ADGRB3: variants seen among roughly 807,000 people sequenced by gnomAD.
The protein encoded by ADGRB3 is adhesion G protein-coupled receptor B3, also known as brain-specific angiogenesis inhibitor 3.
A neutral mutation model predicts 193.4 loss-of-function variants in ADGRB3; 37 were observed. That is an observed-to-expected ratio of 0.19 (90% CI 0.15 to 0.25). The LOEUF is 0.25. ADGRB3 is among the 10% of genes least tolerant of loss of function. The pLI is 1.00. For missense variants in ADGRB3, 1,637 were observed against 1,852.9 expected (o/e 0.88, Z 2.14); for synonymous variants, 690 against 644.2 (o/e 1.07, Z -1.08).
rs60253244 is a variant in ADGRB3 at position 69,249,556 on chromosome 6, A to G, written c.2814+10330A>G. On this transcript the variant is annotated intron_variant, in intron 20 of 31. Transcript: ENST00000370598. ...TCTTTCATCTGACAGTCTTGGGCAG[A>G]GAAGTAACATCTGAAGCAGAAAATA... 3.0e-3 allele frequency among the ~76,000 whole-genome samples: 451 copies of G among 152,342 alleles called. 1 individual carries two copies. The highest frequency in any genetic ancestry group is 0.01 in the African/African-American group (424 of 41,582).
chr6:69,269,379 TA>T (rs945578015), intron 20 of ADGRB3, among the ~76,000 whole-genome samples: 10 of 151,722 alleles, frequency 6.6e-5, no homozygotes, highest in South Asian at 2.1e-4. Context: ...GTGTCCAATG[TA>T]AAAAAAAATT....
chr6:69,294,760 G>A (rs1002773985), intron 20 of ADGRB3, among the ~76,000 whole-genome samples: 4 of 151,782 alleles, frequency 2.6e-5, no homozygotes, highest in Admixed American at 2.6e-4. Context: ...ATTCCTAGTT[G>A]TTTTTTTTGT....
chr6:69,347,717 C>A (rs1769132140), intron 26 of ADGRB3, among the ~76,000 whole-genome samples: 1 of 151,710 alleles, frequency 6.6e-6, no homozygotes, highest in Admixed American at 6.6e-5. Context: ...CTCAGGAGGT[C>A]AAGACTGCAG....
chr6:68,918,836 C>T (rs1291960317), intron 3 of ADGRB3, among the ~76,000 whole-genome samples: 1 of 151,982 alleles, frequency 6.6e-6, no homozygotes, highest in African/African-American at 2.4e-5. Flanking sequence ...ATCTCTAATG[C>T]AGGTTAAGTA....
At chr6:69,061,433 G>A (rs1400356623) in intron 15 of ADGRB3, among the ~76,000 whole-genome samples, 1 of 151,918 alleles carries the variant, frequency 6.6e-6, no homozygotes, top group Admixed American at 6.6e-5. Flanking sequence ...AGAACTATAT[G>A]ACTTAAATGG....
intron 3 of ADGRB3, among the ~76,000 whole-genome samples, chr6:68,784,855 A>G (rs1208561760): frequency 6.6e-6 from 1 of 152,158 alleles, no homozygotes; most frequent in Non-Finnish European, 1.5e-5. Context: ...TCTTGATACT[A>G]AAGTAGTACA....
At chr6:68,750,662 G>A (rs947628401) in intron 3 of ADGRB3, among the ~76,000 whole-genome samples, 1 of 151,974 alleles carries the variant, frequency 6.6e-6, no homozygotes, top group African/African-American at 2.4e-5. Context: ...TATTTTTAAT[G>A]AGCTCTTTCG....
intron 3 of ADGRB3, among the ~76,000 whole-genome samples, chr6:68,847,044 G>A (rs192630986): frequency 9.2e-5 from 14 of 152,304 alleles, no homozygotes; most frequent in Admixed American, 7.8e-4. Context: ...GATGTGAGAC[G>A]TGGAGTCAAA....
chr6:68,683,432 CATT>C (rs1377827937), intron 3 of ADGRB3, among the ~76,000 whole-genome samples: 2 of 152,096 alleles, frequency 1.3e-5, no homozygotes, highest in Non-Finnish European at 2.9e-5. Context: ...TTGTTTGCAT[CATT>C]ATTATTAAAT....
intron 17 of ADGRB3, among the ~76,000 whole-genome samples, chr6:69,123,832 T>G (rs976615397): frequency 6.6e-6 from 1 of 152,070 alleles, no homozygotes; most frequent in African/African-American, 2.4e-5. Flanking sequence ...GTGATAGAAA[T>G]TTAAGAGATG....
At position 69,332,838 on chromosome 6, in the gene ADGRB3, T is replaced by C. The variant is rs1038418905; in HGVS notation, c.3103-85T>C. On this transcript the variant is annotated intron_variant, in intron 23 of 31. Transcript: ENST00000370598. The stretch of plus-strand genomic sequence containing the variant: ...CTACTAGTGATACGGTGGTTATGAA[T>C]TGATAAAAATAGGATTTTCAGGAGA... 1.0e-4 allele frequency: 156 copies of C among 1,556,542 alleles called. 1 individual carries two copies. The highest frequency in any genetic ancestry group is 1.2e-4 in the Non-Finnish European group (142 of 1,152,634).
chr6:69,239,865 T>C (rs1296488818), intron 20 of ADGRB3, among the ~76,000 whole-genome samples: 1 of 152,060 alleles, frequency 6.6e-6, no homozygotes, highest in East Asian at 1.9e-4. Flanking sequence ...TTGTCTTTAC[T>C]ATTCTGAAAT....
chr6:69,388,227 G>T (rs569863407), intron 31 of ADGRB3, among the ~76,000 whole-genome samples: 1 of 152,202 alleles, frequency 6.6e-6, no homozygotes, highest in East Asian at 1.9e-4. Flanking sequence ...TAGGCATAGT[G>T]ATCTAAATTA....
At chr6:69,325,773 A>G (rs1049708282) in intron 21 of ADGRB3, among the ~76,000 whole-genome samples, 1 of 152,234 alleles carries the variant, frequency 6.6e-6, no homozygotes, top group Admixed American at 6.5e-5. Context: ...GCTTATAACA[A>G]TTCCAGAATT....
intron 3 of ADGRB3, among the ~76,000 whole-genome samples, chr6:68,858,793 A>T (rs1483375417): frequency 6.6e-6 from 1 of 152,148 alleles, no homozygotes; most frequent in East Asian, 1.9e-4. Flanking sequence ...TCAAGTCCCT[A>T]GACTGCACAC....
At chr6:69,337,228 T>C (rs1010740699) in intron 24 of ADGRB3, among the ~76,000 whole-genome samples, 1 of 152,050 alleles carries the variant, frequency 6.6e-6, no homozygotes, top group African/African-American at 2.4e-5. Flanking sequence ...GACAACTGCA[T>C]CAGTGTTTGA....
intron 17 of ADGRB3, among the ~76,000 whole-genome samples, chr6:69,101,746 A>G (rs1398409192): frequency 2.0e-5 from 3 of 152,008 alleles, no homozygotes; most frequent in African/African-American, 7.2e-5. Flanking sequence ...ATAAAGCCCT[A>G]TAGGATAGTA....
In ADGRB3 at chr6:69,338,855, A is replaced by AT. The variant is rs553768617; in HGVS notation, c.3189-52dup. 2.1e-3 allele frequency: 2,904 copies of AT among 1,370,566 alleles called. 1 individual carries two copies. Among genetic ancestry groups the AT allele is most frequent in the South Asian group, 3.4e-3 (268 of 78,054 alleles). The allele number at this position is 1,370,566 out of a possible 1,614,324, so 84.9% of individuals were successfully genotyped here. A position where few individuals can be genotyped will look rare whatever the true frequency, so the allele number is the denominator to read the frequency against. On this transcript the variant is annotated intron_variant, in intron 24 of 31. Coordinates refer to ENST00000370598, the MANE Select transcript of ADGRB3 (RefSeq NM_001704.3). ...ATTTAAAAGCTAACTTGAAGCAGCAATTTTTTTTTGGTGACAATTCAATAT... is the reference window on the plus strand; with the variant it reads ...ATTTAAAAGCTAACTTGAAGCAGCAATTTTTTTTTTGGTGACAATTCAATAT...
At chr6:69,195,269 C>T (rs1765272056) in intron 17 of ADGRB3, among the ~76,000 whole-genome samples, 1 of 152,042 alleles carries the variant, frequency 6.6e-6, no homozygotes, top group Non-Finnish European at 1.5e-5. Flanking sequence ...GGGGCTCATG[C>T]CTATAATCCC....
Sources: gnomAD v4.1 joint callset for allele counts (sites outside exome capture counted in the v4.1 genomes callset) on GRCh38, gnomAD v4.1.1 for gene constraint, MANE v1.5 for transcripts, NCBI Gene and HGNC (gene_info 2026-07-23, HGNC 2026-07-21) for gene names.